Variants in ZEB2 observed in about 807,000 individuals in gnomAD.
ZEB2 encodes the protein zinc finger E-box binding homeobox 2.
A neutral mutation model predicts 99.9 loss-of-function variants in ZEB2; 6 were observed. The observed-to-expected ratio is 0.06, with a 90% confidence interval of 0.03 to 0.12. The LOEUF is 0.12. Among genes scored for constraint, ZEB2 ranks in the 10% least tolerant of loss-of-function variants. ZEB2 has a pLI of 1.00. For synonymous variants in ZEB2, 517 were observed against 542.5 expected, an observed-to-expected ratio of 0.95 and a Z score of 0.65; for missense variants, 969 against 1,502.8, an observed-to-expected ratio of 0.64 and a Z score of 5.87.
Position 144,399,161 on chromosome 2 carries a change from TCAG to T in ZEB2, c.2023_2025del (p.Leu675del). The T allele has an allele frequency of 6.2e-7, 1 of 1,614,220 alleles. No individual in the cohort carries two copies. Among genetic ancestry groups the T allele is most frequent in the African/African-American group, 1.3e-5 (1 of 75,056 alleles). On this transcript the variant is annotated inframe_deletion, in exon 8 of 10. Coordinates refer to ENST00000627532, the MANE Select transcript of ZEB2 (RefSeq NM_014795.4). This position sits in a 1 kb window ranked among gnomAD's most constrained non-coding sequence, Gnocchi z 5.6. ...GGAAGGCCCACAGCAATGGAAATTTTCAGCAGTTCATCGGAGTTGGGCTCCATG... is the reference window on the plus strand; with the variant it reads ...GGAAGGCCCACAGCAATGGAAATTTTCAGTTCATCGGAGTTGGGCTCCATG...
At chr2:144,512,883 G>T in intron 2 of ZEB2, 1 of 1,287,144 alleles carries the variant, frequency 7.8e-7, no homozygotes, top group Non-Finnish European at 1.0e-6. Context: ...CTCAGAACTG[G>T]TACCTGCCAC....
rs1301908884 is a variant in ZEB2 at position 144,514,948 on chromosome 2, C to T, written c.73+2330G>A. ...CTGCGGACATCTCTGGCACTCCATT[C>T]CACCTGCGAAGCGCCCAACGGGCCT... On this transcript the variant is annotated intron_variant, in intron 2 of 9. Coordinates refer to ENST00000627532, the MANE Select transcript of ZEB2 (RefSeq NM_014795.4). 3.3e-4 allele frequency among the ~76,000 whole-genome samples: 50 copies of T among 152,302 alleles called. 1 individual carries two copies. The highest frequency in any genetic ancestry group is 3.3e-3 in the Admixed American group (50 of 15,304).
At chr2:144,457,997 A>G (rs1704143470) in intron 2 of ZEB2, among the ~76,000 whole-genome samples, 1 of 152,140 alleles carries the variant, frequency 6.6e-6, no homozygotes, top group Admixed American at 6.5e-5. Flanking sequence ...ACTAAGGCGA[A>G]TTTAGAGATC....
chr2:144,441,185 G>GAC (rs1703912533), intron 2 of ZEB2, among the ~76,000 whole-genome samples: 1 of 150,256 alleles, frequency 6.7e-6, no homozygotes, highest in Non-Finnish European at 1.5e-5. Context: ...GAGAGAGAGA[G>GAC]AGAGAGAGAG....
chr2:144,519,092 A>G lies in ZEB2; in HGVS notation c.-70+847T>C, dbSNP rs79912507. 3.0e-4 allele frequency among the ~76,000 whole-genome samples: 45 copies of G among 152,332 alleles called. 1 individual carries two copies. In the East Asian group the frequency reaches 8.7e-3, roughly 29 times the overall value. ...CCTGCTATCTCTCTCTCGACTTTTC[A>G]GTGCCAAAGTATGGAATGGGATATA... On this transcript the variant is annotated intron_variant, in intron 1 of 9. Transcript: ENST00000627532.
At chr2:144,515,283 C>G (rs373823107) in intron 2 of ZEB2, among the ~76,000 whole-genome samples, 1 of 151,686 alleles carries the variant, frequency 6.6e-6, no homozygotes, top group African/African-American at 2.4e-5. Flanking sequence ...TGATCAGCAA[C>G]GTGCTTTAGA....
intron 2 of ZEB2, chr2:144,482,032 A>C (rs947726467): frequency 2.6e-5 from 4 of 152,214 alleles, no homozygotes; most frequent in Non-Finnish European, 4.4e-5. Context: ...TAAATGAATA[A>C]TTCCAACAGA....
rs1703057115 is a variant in ZEB2, at chr2:144,384,628, C to T, written c.*4823G>A. 1 of 148,894 alleles carries T rather than the reference C, an allele frequency of 6.7e-6. No individual in the cohort carries two copies. Among genetic ancestry groups the T allele is most frequent in the Non-Finnish European group, 1.5e-5 (1 of 67,420 alleles). 9.2% of individuals were successfully genotyped at this position (148,894 alleles called of 1,614,324 possible). A position where few individuals can be genotyped will look rare whatever the true frequency, so the allele number is the denominator to read the frequency against. ...GTCTTTTTTTTTTTTAACATGGATA[C>T]AGGAAAAGAAAACTCTCCAATAAAA... On this transcript the variant is annotated 3_prime_UTR_variant, in exon 10 of 10. Coordinates refer to ENST00000627532, the MANE Select transcript of ZEB2 (RefSeq NM_014795.4).
intron 4 of ZEB2, among the ~76,000 whole-genome samples, chr2:144,411,348 A>T (rs1396589075): frequency 6.6e-6 from 1 of 151,956 alleles, no homozygotes; most frequent in African/African-American, 2.4e-5. Context: ...ATTATTTTGA[A>T]TGTAGTCATT....
chr2:144,449,323 C>T (rs545396821), intron 2 of ZEB2, among the ~76,000 whole-genome samples: 1 of 152,296 alleles, frequency 6.6e-6, no homozygotes, highest in Non-Finnish European at 1.5e-5. Context: ...TTATTTCCTT[C>T]TGGCACCTTG....
At chr2:144,474,486 A>G (rs962264836) in intron 2 of ZEB2, among the ~76,000 whole-genome samples, 2 of 152,188 alleles carry the variant, frequency 1.3e-5, no homozygotes, top group Non-Finnish European at 2.9e-5. Flanking sequence ...TATTGTTTCA[A>G]TTTCCTCTTG....
chr2:144,455,792 T>C (rs1333615931), intron 2 of ZEB2, among the ~76,000 whole-genome samples: 1 of 152,114 alleles, frequency 6.6e-6, no homozygotes, highest in Non-Finnish European at 1.5e-5. Flanking sequence ...TCTCCTGCAA[T>C]AGTACAGGAT....
chr2:144,512,730 TG>T (rs1472425129), intron 2 of ZEB2: 3 of 1,287,062 alleles, frequency 2.3e-6, no homozygotes, highest in Non-Finnish European at 3.0e-6. Context: ...CTACCCCAAT[TG>T]GCTTAGTTTT....
intron 1 of ZEB2, chr2:144,519,209 A>G (rs1188192020): frequency 6.6e-6 from 1 of 152,132 alleles, no homozygotes; most frequent in African/African-American, 2.4e-5. Flanking sequence ...AAACCCTGAT[A>G]TCCTGACAGC....
intron 2 of ZEB2, among the ~76,000 whole-genome samples, chr2:144,515,201 C>CAA (rs35140204): frequency 0.027 from 3,933 of 144,210 alleles, 57 homozygotes; most frequent in South Asian, 0.047. Context: ...CTTTTTCTCT[C>CAA]AAAAAAAAAA....
intron 4 of ZEB2, among the ~76,000 whole-genome samples, chr2:144,409,889 C>CA (rs1412813293): frequency 6.9e-6 from 1 of 145,462 alleles, no homozygotes; most frequent in Non-Finnish European, 1.5e-5. Flanking sequence ...ACCCCTGTCT[C>CA]AAAAAAACCA....
At chr2:144,454,240 A>T (rs1028384026) in intron 2 of ZEB2, among the ~76,000 whole-genome samples, 4 of 152,206 alleles carry the variant, frequency 2.6e-5, no homozygotes, top group African/African-American at 9.6e-5. Context: ...CTGTAATAGG[A>T]TTAGAAACTA....
Position 144,389,367 on chromosome 2 carries a change from T to C in ZEB2, c.*84A>G. ...TTCCTGGAAGCGTCAGGCACGTGCA[T>C]GAACAGCTTAACACAGCAGTGTTTT... On this transcript the variant is annotated 3_prime_UTR_variant, in exon 10 of 10. Transcript: ENST00000627532. The surrounding 1 kb of genome is among the most constrained non-coding windows in gnomAD (Gnocchi z 6.8). 10 of 1,507,228 alleles carry C rather than the reference T, an allele frequency of 6.6e-6. No individual in the cohort carries two copies. The highest frequency in any genetic ancestry group is 5.6e-5 in the South Asian group (5 of 88,990). The allele number at this position is 1,507,228 out of a possible 1,614,324, so 93.4% of individuals were successfully genotyped here.
At chr2:144,420,041 C>T (rs1418831696) in intron 4 of ZEB2, among the ~76,000 whole-genome samples, 1 of 152,204 alleles carries the variant, frequency 6.6e-6, no homozygotes, top group Non-Finnish European at 1.5e-5. Context: ...TTTTCCCCTA[C>T]TGTGGCTTCC....
Sources: gnomAD v4.1 joint callset for allele counts (sites outside exome capture counted in the v4.1 genomes callset) on GRCh38, gnomAD v4.1.1 for gene constraint, Gnocchi (gnomAD v3.1) non-coding constraint, MANE v1.5 for transcripts, NCBI Gene and HGNC (gene_info 2026-07-23, HGNC 2026-07-21) for gene names.